Variants in AGMO observed in about 807,000 individuals in gnomAD.
AGMO encodes the protein alkylglycerol monooxygenase.
AGMO carries 75 observed loss-of-function variants against 60.2 expected under a neutral mutation model. The ratio of observed to expected loss-of-function variants is 1.25; its 90% CI spans 1.03 to 1.51. The LOEUF is 1.51. Among genes scored for constraint, AGMO ranks in the 40% most tolerant of loss-of-function variants. The probability of loss-of-function intolerance (pLI) is 0.00; values close to 1 mark genes in which losing one functional copy is unlikely to be tolerated. For synonymous variants in AGMO, 261 were observed against 177.1 expected, an observed-to-expected ratio of 1.47 and a Z score of -3.76; for missense variants, 763 against 525.5, an observed-to-expected ratio of 1.45 and a Z score of -4.42.
At chr7:15,409,560 T>A (rs986406092) in intron 5 of AGMO, among the ~76,000 whole-genome samples, 1 of 151,898 alleles carries the variant, frequency 6.6e-6, no homozygotes, top group Non-Finnish European at 1.5e-5. Context: ...ATTTCTAGAA[T>A]GGTTTCCTGC....
intron 12 of AGMO, among the ~76,000 whole-genome samples, chr7:15,320,209 T>C: frequency 6.6e-6 from 1 of 152,122 alleles, no homozygotes; most frequent in East Asian, 1.9e-4. Context: ...CACGTATACA[T>C]ATGTAACAAA....
At chr7:15,264,396 AATTTT>A (rs1308798582) in intron 12 of AGMO, among the ~76,000 whole-genome samples, 8 of 152,036 alleles carry the variant, frequency 5.3e-5, no homozygotes, top group Non-Finnish European at 7.4e-5. Flanking sequence ...AAATATTTTA[AATTTT>A]ATTTGGGAAA....
At chr7:15,252,439 C>T (rs1430204702) in intron 12 of AGMO, among the ~76,000 whole-genome samples, 1 of 152,158 alleles carries the variant, frequency 6.6e-6, no homozygotes, top group Non-Finnish European at 1.5e-5. Context: ...AATTACATTA[C>T]ATATGACTGT....
intron 2 of AGMO, among the ~76,000 whole-genome samples, chr7:15,546,874 G>T (rs954384313): frequency 5.9e-5 from 9 of 152,140 alleles, no homozygotes; most frequent in African/African-American, 2.2e-4. Context: ...GCTGACATTT[G>T]GACAGGATAA....
chr7:15,539,746 C>G (rs1256158656), intron 3 of AGMO, among the ~76,000 whole-genome samples: 1 of 152,160 alleles, frequency 6.6e-6, no homozygotes, highest in Non-Finnish European at 1.5e-5. Context: ...AACTTGCACT[C>G]CCACCAACAG....
At chr7:15,495,497 AG>A (rs1783196637) in intron 3 of AGMO, among the ~76,000 whole-genome samples, 1 of 152,092 alleles carries the variant, frequency 6.6e-6, no homozygotes, top group African/African-American at 2.4e-5. Flanking sequence ...TTCAAATAGA[AG>A]GGGGGATTTT....
chr7:15,253,345 T>A (rs1398630132), intron 12 of AGMO, among the ~76,000 whole-genome samples: 1 of 152,140 alleles, frequency 6.6e-6, no homozygotes, highest in East Asian at 1.9e-4. Flanking sequence ...TTTATTACTT[T>A]GACTTTCCCA....
chr7:15,369,396 C>A (rs772456935), intron 10 of AGMO, among the ~76,000 whole-genome samples: 1 of 152,122 alleles, frequency 6.6e-6, no homozygotes, highest in Non-Finnish European at 1.5e-5. Flanking sequence ...CCATACCCCA[C>A]TATTAATCCC....
chr7:15,537,270 C>G (rs897462235), intron 3 of AGMO, among the ~76,000 whole-genome samples: 1 of 151,960 alleles, frequency 6.6e-6, no homozygotes, highest in Non-Finnish European at 1.5e-5. Context: ...GAGTAAAATA[C>G]GTAAAATCTA....
intron 12 of AGMO, among the ~76,000 whole-genome samples, chr7:15,313,069 A>G (rs532222689): frequency 1.3e-5 from 2 of 152,316 alleles, no homozygotes; most frequent in Admixed American, 6.5e-5. Context: ...AATACAATAC[A>G]TGGACATATC....
intron 5 of AGMO, among the ~76,000 whole-genome samples, chr7:15,417,420 T>A (rs1424040702): frequency 6.6e-6 from 1 of 152,130 alleles, no homozygotes; most frequent in Non-Finnish European, 1.5e-5. Flanking sequence ...AACTAATACC[T>A]GACCCGACAC....
At chr7:15,557,112 T>C (rs1785165360) in intron 2 of AGMO, among the ~76,000 whole-genome samples, 1 of 152,044 alleles carries the variant, frequency 6.6e-6, no homozygotes, top group Non-Finnish European at 1.5e-5. Context: ...GTACCTGAAA[T>C]TTTATGTAAT....
chr7:15,253,684 A>G (rs1783013170), intron 12 of AGMO, among the ~76,000 whole-genome samples: 1 of 152,118 alleles, frequency 6.6e-6, no homozygotes, highest in African/African-American at 2.4e-5. Context: ...AACGTTTATT[A>G]TTTCTTTGTT....
At chr7:15,198,720 G>GA (rs1297799070), downstream of AGMO, among the ~76,000 whole-genome samples, 1 of 152,116 alleles carries the variant, frequency 6.6e-6, no homozygotes, top group East Asian at 1.9e-4. Context: ...AAAGAGCCTT[G>GA]AAGCTATTCT....
intron 3 of AGMO, among the ~76,000 whole-genome samples, chr7:15,432,149 G>C (rs937724143): frequency 1.3e-5 from 2 of 151,504 alleles, no homozygotes; most frequent in South Asian, 2.1e-4. Context: ...GTATAGGTTA[G>C]AAATTAAATC....
intron 12 of AGMO, among the ~76,000 whole-genome samples, chr7:15,357,219 G>GTGTGTA (rs1373393274): frequency 1.4e-5 from 2 of 147,298 alleles, no homozygotes; most frequent in East Asian, 3.9e-4. Flanking sequence ...GTGTGTGTGT[G>GTGTGTA]TGTGTGTGTT....
chr7:15,421,283 T>C (rs4604326), intron 4 of AGMO, among the ~76,000 whole-genome samples: 55,916 of 151,816 alleles, frequency 0.37, 10,708 homozygotes, highest in Middle Eastern at 0.49. Flanking sequence ...CAAGAAACAA[T>C]TGATAGCCTT....
chr7:15,213,023 T>C (rs911644075), intron 12 of AGMO, among the ~76,000 whole-genome samples: 6 of 152,056 alleles, frequency 3.9e-5, no homozygotes, highest in Admixed American at 3.9e-4. Context: ...AAACTTGGCA[T>C]TGAAAATGTA....
chr7:15,327,935 T>A (rs911758045), intron 12 of AGMO, among the ~76,000 whole-genome samples: 23 of 147,668 alleles, frequency 1.6e-4, no homozygotes, highest in South Asian at 2.1e-4. Context: ...CGGGCTAATT[T>A]AAAAAAAAAA....
Sources: gnomAD v4.1 joint callset for allele counts (sites outside exome capture counted in the v4.1 genomes callset) on GRCh38, gnomAD v4.1.1 for gene constraint, MANE v1.5 for transcripts, NCBI Gene and HGNC (gene_info 2026-07-23, HGNC 2026-07-21) for gene names.